Variants in MROH1 observed in about 807,000 individuals in gnomAD.
MROH1 encodes the protein maestro heat-like repeat-containing protein family member 1.
In MROH1, 117 loss-of-function variants were observed where a neutral mutation model predicts 116.5. The observed-to-expected ratio is 1.00, with a 90% CI of 0.86 to 1.17. The LOEUF (loss-of-function observed/expected upper bound fraction) is 1.17. Among genes scored for constraint, MROH1 ranks in the 50% most tolerant of loss-of-function variants. MROH1 has a pLI of 0.00. For synonymous variants in MROH1, 921 were observed against 583.9 expected (o/e 1.58, Z -8.32); for missense variants, 1,873 against 1,338.5 (o/e 1.40, Z -6.23).
intron 1 of MROH1, among the ~76,000 whole-genome samples, chr8:144,150,417 A>ATG (rs1236676203): frequency 1.3e-5 from 2 of 152,036 alleles, no homozygotes; most frequent in Non-Finnish European, 2.9e-5. Context: ...CATTATATAC[A>ATG]TGTGTGTGTA....
intron 34 of MROH1, among the ~76,000 whole-genome samples, 164 bp from the exon 35 acceptor site, chr8:144,255,345 C>T (rs1306155987): frequency 6.6e-6 from 1 of 152,232 alleles, no homozygotes; most frequent in Non-Finnish European, 1.5e-5. Context: ...CCCCTGAGGG[C>T]CAAGCCATGC....
intron 25 of MROH1, 65 bp downstream of exon 25, chr8:144,243,681 G>T: frequency 1.3e-6 from 1 of 773,538 alleles, no homozygotes; most frequent in East Asian, 2.4e-5. Context: ...CCAGAGGTGG[G>T]GACTGGGGCA....
Position 144,259,919 on chromosome 8 carries a change from C to T in MROH1, c.4053C>T (p.Asn1351=), listed in dbSNP as rs1844681689. Residue 1351 remains asparagine, a synonymous_variant, in exon 38 of 44, where the codon AAC becomes AAT. Transcript: ENST00000326134. ...AGCACCTCTGCCTGCAGCTGCTGAA[C>T]AGCAACGTGGCCAACGACCTCATGC... ...TTTAFLAELL[N]SNVANDLMLL... 1.4e-6 allele frequency: 1 copy of T among 738,472 alleles called. No individual in the cohort carries two copies. The highest frequency in any genetic ancestry group is 2.5e-6 in the Non-Finnish European group (1 of 397,416). The allele number at this position is 738,472 out of a possible 1,614,324, so 45.7% of individuals were successfully genotyped here. A position where few individuals can be genotyped will look rare whatever the true frequency, so the allele number is the denominator to read the frequency against.
chr8:144,224,786 C>T (rs547925576), intron 14 of MROH1, among the ~76,000 whole-genome samples: 3 of 152,250 alleles, frequency 2.0e-5, no homozygotes, highest in East Asian at 1.9e-4. Context: ...TGAGCGGCAG[C>T]GGCAGGCCCT....
At chr8:144,193,759 C>T (rs928527822) in intron 10 of MROH1, among the ~76,000 whole-genome samples, 2 of 151,928 alleles carry the variant, frequency 1.3e-5, no homozygotes, top group Non-Finnish European at 2.9e-5. Context: ...AGGTGCCCAC[C>T]GCCACACCTG....
chr8:144,156,854 C>G (rs1755865711), intron 1 of MROH1, among the ~76,000 whole-genome samples: 1 of 140,666 alleles, frequency 7.1e-6, no homozygotes, highest in Admixed American at 7.4e-5. Context: ...GCTATCTCGG[C>G]TCATTGCAAA....
At chr8:144,238,166 GTT>G (rs1323261757) in intron 14 of MROH1, among the ~76,000 whole-genome samples, 23 of 139,002 alleles carry the variant, frequency 1.7e-4, no homozygotes, top group African/African-American at 5.0e-4. Context: ...AAATATCACT[GTT>G]TTTTTTTTTT....
intron 7 of MROH1, among the ~76,000 whole-genome samples, chr8:144,188,507 G>A (rs955469448): frequency 5.1e-3 from 3 of 592 alleles, no homozygotes; most frequent in East Asian, 0.042. Flanking sequence ...TCACACTGTC[G>A]CCCAGGCTGG....
intron 4 of MROH1, among the ~76,000 whole-genome samples, chr8:144,172,906 T>C (rs989685424): frequency 6.6e-6 from 1 of 152,190 alleles, no homozygotes; most frequent in Non-Finnish European, 1.5e-5. Context: ...GTGTACTTTC[T>C]CAGATGTTCC....
chr8:144,248,312 AAAG>A (rs1842256342), intron 31 of MROH1, among the ~76,000 whole-genome samples: 2 of 152,294 alleles, frequency 1.3e-5, no homozygotes, highest in East Asian at 1.9e-4. Context: ...GGGGGGAAAA[AAAG>A]AGTCCTTCCA....
At chr8:144,258,737 G>A (rs939692139) in intron 35 of MROH1, 40 bp from the exon 36 acceptor site, 88 of 744,362 alleles carry the variant, frequency 1.2e-4, no homozygotes, top group East Asian at 6.3e-4. Flanking sequence ...GGAGGTAGGC[G>A]TGTGTGCCCT....
rs902741350 is a variant in MROH1, at chr8:144,239,732, C to T, written c.1751C>T (p.Pro584Leu). ...GGTCAGCATTGGGAAACGACTGTCC[C>T]GCTGCTGCTGGGGTACCTGGATGGT... ...LLGQHWETTV[P>L]LLLGYLDEHT... Residue 584 changes from proline (P) to leucine (L), a missense_variant, in exon 18 of 44, where the codon CCG (proline) becomes CTG (leucine). Physicochemically the swap from Pro to Leu is moderately conservative, Grantham distance 98 (BLOSUM62 -3). Transcript: ENST00000326134. The T allele has an allele frequency of 5.8e-5, 42 of 719,082 alleles. No individual in the cohort carries two copies. Among genetic ancestry groups the T allele is most frequent in the Admixed American group, 5.8e-4 (29 of 50,088 alleles). 44.5% of individuals were successfully genotyped at this position (719,082 alleles called of 1,614,324 possible).
intron 10 of MROH1, among the ~76,000 whole-genome samples, chr8:144,196,108 G>T (rs1022959819): frequency 6.6e-6 from 1 of 151,644 alleles, no homozygotes; most frequent in Admixed American, 6.6e-5. Flanking sequence ...GGCCAACATA[G>T]TGAAACCCTG....
At chr8:144,237,676 G>A (rs1014664547) in intron 14 of MROH1, among the ~76,000 whole-genome samples, 20 of 152,064 alleles carry the variant, frequency 1.3e-4, no homozygotes, top group African/African-American at 4.3e-4. Context: ...TCAGTGAATC[G>A]TTACATTATT....
At chr8:144,212,959 C>A (rs1834473904) in intron 12 of MROH1, 1 of 758,622 alleles carries the variant, frequency 1.3e-6, no homozygotes. Context: ...ATTGGACTAT[C>A]CCATAATTAC....
intron 12 of MROH1, among the ~76,000 whole-genome samples, chr8:144,217,915 G>C (rs1250862092): frequency 6.7e-6 from 1 of 148,852 alleles, no homozygotes; most frequent in Admixed American, 6.7e-5. Flanking sequence ...TTAGAGGCCC[G>C]GGATCCCTCT....
At position 144,238,874 on chromosome 8, in the gene MROH1, G is replaced by T; in HGVS notation, c.1446+11G>T. 1.3e-6 allele frequency: 1 copy of T among 772,134 alleles called. No individual in the cohort carries two copies. The highest frequency in any genetic ancestry group is 2.4e-6 in the Non-Finnish European group (1 of 417,856). The allele number at this position is 772,134 out of a possible 1,614,324, so 47.8% of individuals were successfully genotyped here. A position where few individuals can be genotyped will look rare whatever the true frequency, so the allele number is the denominator to read the frequency against. ...GACAGGATGAGTCACGTGAGTGCAC[G>T]GCACCCGTCCCTGCCTGGCGACAAC... is the stretch of plus-strand genomic sequence containing the variant. On this transcript the variant is annotated intron_variant, in intron 15 of 43. Coordinates refer to ENST00000326134, the MANE Select transcript of MROH1 (RefSeq NM_032450.3).
Position 144,245,392 on chromosome 8 carries a change from T to C in MROH1, c.2871+132T>C, listed in dbSNP as rs1841714412. 3.6e-5 allele frequency: 24 copies of C among 662,334 alleles called. 1 individual carries two copies. In the South Asian group the frequency reaches 3.7e-4, roughly 10 times the overall value. The allele number at this position is 662,334 out of a possible 1,614,324, so 41.0% of individuals were successfully genotyped here. ...CAGTCCTCTTCCTTGAGACCTGGAT[T>C]GAGGGCCTGTCAGGGCCAGGAGTTG... On this transcript the variant is annotated intron_variant, in intron 29 of 43. Coordinates refer to ENST00000326134, the MANE Select transcript of MROH1 (RefSeq NM_032450.3).
chr8:144,201,324 G>GC (rs1335484533), intron 12 of MROH1: 2 of 152,228 alleles, frequency 1.3e-5, no homozygotes, highest in Non-Finnish European at 2.9e-5. Flanking sequence ...CTTCCAAAGT[G>GC]CTGGGATTAC....
Sources: allele counts gnomAD v4.1 joint callset (sites outside exome capture counted in the v4.1 genomes callset), GRCh38; gene constraint gnomAD v4.1.1; transcripts MANE v1.5; gene names NCBI Gene and HGNC (gene_info 2026-07-23, HGNC 2026-07-21).